Variants in PPIL4 observed in about 807,000 individuals in gnomAD.
PPIL4 encodes the protein peptidyl-prolyl cis-trans isomerase-like 4.
PPIL4 carries 50 observed loss-of-function variants against 69.1 expected under a neutral mutation model. The observed-to-expected ratio is 0.72, with a 90% CI of 0.58 to 0.92. PPIL4 has a LOEUF of 0.92. Among genes scored for constraint, PPIL4 ranks in the 40% least tolerant of loss-of-function variants. PPIL4 has a pLI of 0.00. For synonymous variants in PPIL4, 193 were observed against 191.6 expected (o/e 1.01, Z -0.06); for missense variants, 480 against 587.9 (o/e 0.82, Z 1.90).
In PPIL4 at chr6:149,514,900, G is replaced by T. The variant is rs183271689; in HGVS notation, c.1079+2454C>A. On this transcript the variant is annotated intron_variant, in intron 11 of 12. Transcript: ENST00000253329. ...TGCCCAGGCTGGAGTACAATGGCGC[G>T]ATCTTGGCTCACCACAACCTCTGCC... is the stretch of plus-strand genomic sequence containing the variant. Among the ~76,000 whole-genome samples, 733 of 151,114 alleles carry T rather than the reference G, an allele frequency of 4.9e-3. 7 individuals carry two copies. The highest frequency in any genetic ancestry group is 0.017 in the African/African-American group (694 of 41,122).
At chr6:149,518,714 C>T (rs959621366) in intron 10 of PPIL4, among the ~76,000 whole-genome samples, 9 of 152,146 alleles carry the variant, frequency 5.9e-5, no homozygotes, top group African/African-American at 2.2e-4. Context: ...TTGCCATCTG[C>T]CTGCCATTAA....
chr6:149,538,776 C>T (rs367703919), intron 4 of PPIL4, among the ~76,000 whole-genome samples: 1 of 152,060 alleles, frequency 6.6e-6, no homozygotes, highest in African/African-American at 2.4e-5. Flanking sequence ...GGACTGAATG[C>T]TGCAATCTCA....
chr6:149,513,233 A>G (rs2115028032), intron 11 of PPIL4, among the ~76,000 whole-genome samples: 1 of 147,168 alleles, frequency 6.8e-6, no homozygotes, highest in South Asian at 2.1e-4. Context: ...TAAAAATACA[A>G]AAATTAGCCG....
At chr6:149,540,126 C>T (rs1398142078) in intron 4 of PPIL4, among the ~76,000 whole-genome samples, 1 of 151,912 alleles carries the variant, frequency 6.6e-6, no homozygotes, top group African/African-American at 2.4e-5. Context: ...AAGACTCTGT[C>T]TCTAAATAAA....
chr6:149,541,014 G>C lies in PPIL4; in HGVS notation c.249C>G (p.Val83=). 5.6e-6 allele frequency: 9 copies of C among 1,612,212 alleles called. No homozygotes were observed. Among genetic ancestry groups the C allele is most frequent in the Non-Finnish European group, 7.6e-6 (9 of 1,178,884 alleles). ...DQASFFEAEK[V]PRIKHKKKGT... The stretch of plus-strand genomic sequence containing the variant: ...CTTTCTTCTTGTGCTTAATTCTTGG[G>C]ACTTTTTCTGCCTCAAAAAAGCTTG... The change falls in exon 4 of 13, where the codon GTC becomes GTG. Residue 83 remains valine, a synonymous_variant. Coordinates refer to ENST00000253329, the MANE Select transcript of PPIL4 (RefSeq NM_139126.4).
At position 149,526,708 on chromosome 6, in the gene PPIL4, T is replaced by G; in HGVS notation, c.747A>C (p.Pro249=). The change falls in exon 8 of 13, where the codon CCA becomes CCC. Residue 249 remains proline (P), a synonymous_variant. Transcript: ENST00000253329. The part of the protein sequence containing the change: ...ENVLFVCKLN[P]VTTDEDLEII... ...TTTCCAGATCCTCATCTGTGGTCAC[T>G]GGGTTCAATTTACACACAAACAGTA... The G allele has an allele frequency of 6.2e-7, 1 of 1,612,508 alleles. No homozygotes were observed. Among genetic ancestry groups the G allele is most frequent in the East Asian group, 2.2e-5 (1 of 44,804 alleles).
At position 149,526,671 on chromosome 6, in the gene PPIL4, T is replaced by C. The variant is rs1297344701; in HGVS notation, c.784A>G (p.Arg262Gly). The change falls in exon 8 of 13, where the codon AGA becomes GGA. Residue 262 changes from arginine (R) to glycine (G), a missense_variant. By Grantham distance (125) the Arg-to-Gly change is moderately radical (BLOSUM62 -2). Transcript: ENST00000253329. Reference sequence around the variant, plus strand: ...GATTACCTTCTTATTGGCCCAAATCTAGAGAATATTATTTCCAGATCCTCA... The same window carrying C: ...GATTACCTTCTTATTGGCCCAAATCCAGAGAATATTATTTCCAGATCCTCA... ...TDEDLEIIFS[R>G]FGPIRSCEVI... 1.2e-6 allele frequency: 2 copies of C among 1,610,668 alleles called. No individual in the cohort carries two copies. Among genetic ancestry groups the C allele is most frequent in the Non-Finnish European group, 1.7e-6 (2 of 1,177,978 alleles).
At chr6:149,511,888 G>A (rs559664620) in intron 12 of PPIL4, among the ~76,000 whole-genome samples, 1 of 152,256 alleles carries the variant, frequency 6.6e-6, no homozygotes, top group Admixed American at 6.5e-5. Flanking sequence ...GAATAAAGGA[G>A]TATCCACAGG....
chr6:149,528,074 A>C lies in PPIL4; in HGVS notation c.679-1298T>G, dbSNP rs28477545. On this transcript the variant is annotated intron_variant, in intron 7 of 12. Coordinates refer to ENST00000253329, the MANE Select transcript of PPIL4 (RefSeq NM_139126.4). ...AGTTTGAGACCAGCCCACGCAACAT[A>C]GTAAGACCTTGTCTCTATAGTAAAT... Among the ~76,000 whole-genome samples, 1,351 of 152,294 alleles carry C rather than the reference A, an allele frequency of 8.9e-3. 26 individuals carry two copies. Among genetic ancestry groups the C allele is most frequent in the African/African-American group, 0.031 (1,302 of 41,552 alleles).
chr6:149,534,118 G>A (rs1042753026), intron 6 of PPIL4, among the ~76,000 whole-genome samples: 6 of 152,156 alleles, frequency 3.9e-5, no homozygotes, highest in South Asian at 4.1e-4. Context: ...ATCCCACCAC[G>A]CACTCCAGCC....
chr6:149,513,517 C>T (rs1242813823), intron 11 of PPIL4, among the ~76,000 whole-genome samples: 1 of 139,974 alleles, frequency 7.1e-6, no homozygotes, highest in Admixed American at 7.2e-5. Flanking sequence ...TAAAGACATA[C>T]TTAAATGCAT....
chr6:149,505,132 A>G lies in PPIL4; in HGVS notation c.*321T>C, dbSNP rs1171745771. 7 of 207,178 alleles carry G rather than the reference A, an allele frequency of 3.4e-5. No individual in the cohort carries two copies. In the South Asian group the frequency reaches 6.4e-4, roughly 19 times the overall value. 12.8% of individuals were successfully genotyped at this position (207,178 alleles called of 1,614,324 possible). On this transcript the variant is annotated 3_prime_UTR_variant, in exon 13 of 13. Transcript: ENST00000253329. ...GGCTGATGAGTACACAGATATTTACATTTATTATCCCTTTATATATACGTT... is the reference window on the plus strand; with the variant it reads ...GGCTGATGAGTACACAGATATTTACGTTTATTATCCCTTTATATATACGTT...
chr6:149,505,530 T>C lies in PPIL4; in HGVS notation c.1402A>G (p.Arg468Gly). ...CGGTCTCTCTTTTTACTCCTTTCTC[T>C]TTCATAAAGATCTGTTTGGTATTTT... ...KSKYQTDLYE[R>G]ERSKKRDRSR... Residue 468 changes from arginine to glycine, a missense_variant, in exon 13 of 13, where the codon AGA becomes GGA. Transcript: ENST00000253329. 6.2e-7 allele frequency: 1 copy of C among 1,614,112 alleles called. No individual in the cohort carries two copies. The highest frequency in any genetic ancestry group is 2.2e-5 in the East Asian group (1 of 44,878).
intron 10 of PPIL4, among the ~76,000 whole-genome samples, chr6:149,519,295 T>C (rs1412829813): frequency 1.3e-5 from 2 of 152,206 alleles, no homozygotes; most frequent in East Asian, 1.9e-4. Flanking sequence ...TGAGGAATTA[T>C]AATATTTATT....
intron 7 of PPIL4, among the ~76,000 whole-genome samples, chr6:149,527,073 A>T (rs1174291265): frequency 1.3e-5 from 2 of 152,218 alleles, no homozygotes; most frequent in African/African-American, 4.8e-5. Flanking sequence ...AAGACAAGTA[A>T]AGCGGCTGAG....
chr6:149,505,249 A>G lies in PPIL4; in HGVS notation c.*204T>C, dbSNP rs1456627640. 1.9e-5 allele frequency: 9 copies of G among 471,818 alleles called. No homozygotes were observed. The highest frequency in any genetic ancestry group is 3.3e-5 in the Non-Finnish European group (9 of 270,216). 29.2% of individuals were successfully genotyped at this position (471,818 alleles called of 1,614,324 possible). A position where few individuals can be genotyped will look rare whatever the true frequency, so the allele number is the denominator to read the frequency against. On this transcript the variant is annotated 3_prime_UTR_variant, in exon 13 of 13. Coordinates refer to ENST00000253329, the MANE Select transcript of PPIL4 (RefSeq NM_139126.4). ...AGACTACCATTTATGTATAACAATA[A>G]AATTAGTGTAAAAAAGTATACAAAG...
chr6:149,519,978 G>A (rs1247290142), intron 10 of PPIL4, among the ~76,000 whole-genome samples: 2 of 152,098 alleles, frequency 1.3e-5, no homozygotes, highest in East Asian at 1.9e-4. Flanking sequence ...GACATGCTAC[G>A]AGCAATGTAT....
chr6:149,526,064 A>T, intron 8 of PPIL4, among the ~76,000 whole-genome samples: 1 of 152,288 alleles, frequency 6.6e-6, no homozygotes, highest in East Asian at 1.9e-4. Flanking sequence ...ACATCACTGC[A>T]CTCCAGCCTG....
intron 4 of PPIL4, 152 bp downstream of exon 4, chr6:149,540,790 T>C (rs1777347314): frequency 2.3e-6 from 1 of 434,430 alleles, no homozygotes; most frequent in African/African-American, 2.0e-5. Context: ...AAAATAATAT[T>C]TTTTAATATA....
Sources: allele counts gnomAD v4.1 joint callset (sites outside exome capture counted in the v4.1 genomes callset), GRCh38; gene constraint gnomAD v4.1.1; transcripts MANE v1.5; gene names NCBI Gene and HGNC (gene_info 2026-07-23, HGNC 2026-07-21).